PHGDH: variants seen among roughly 807,000 people sequenced by gnomAD.
PHGDH encodes the protein phosphoglycerate dehydrogenase.
PHGDH carries 50 observed loss-of-function variants against 52.6 expected under a neutral mutation model. The observed-to-expected ratio is 0.95, with a 90% CI of 0.76 to 1.20. The LOEUF is 1.20. Ranked by LOEUF, PHGDH falls within the 50% of genes most tolerant of loss-of-function variation. PHGDH has a pLI of 0.00. For synonymous variants in PHGDH, 271 were observed against 280.5 expected (o/e 0.97, Z 0.34); for missense variants, 630 against 684.6 (o/e 0.92, Z 0.89).
chr1:119,741,515 G>A lies in PHGDH; in HGVS notation c.1079-252G>A, dbSNP rs587676898. On this transcript the variant is annotated intron_variant, in intron 9 of 11. Coordinates refer to ENST00000641023, the MANE Select transcript of PHGDH (RefSeq NM_006623.4). Reference sequence around the variant, plus strand: ...GCCAGGTGCAGGGTTGGGGAGCGGAGTGGAGTTGAGCTGAGTTTTGGAGAG... The same window carrying A: ...GCCAGGTGCAGGGTTGGGGAGCGGAATGGAGTTGAGCTGAGTTTTGGAGAG... Among the ~76,000 whole-genome samples, 6 of 152,336 alleles carry A rather than the reference G, an allele frequency of 3.9e-5. No homozygotes were observed. In the South Asian group the frequency reaches 1.2e-3, roughly 32 times the overall value.
chr1:119,724,697 A>G (rs1221074375), intron 3 of PHGDH: 12 of 439,694 alleles, frequency 2.7e-5, no homozygotes, highest in Admixed American at 5.0e-5. Context: ...AAAGATCTCA[A>G]TGTGGCTTTC....
chr1:119,723,305 C>T (rs765424277), intron 2 of PHGDH, 71 bp from the exon 3 acceptor site: 8 of 1,211,042 alleles, frequency 6.6e-6, no homozygotes, highest in African/African-American at 3.0e-5. Flanking sequence ...GCACTCAAGG[C>T]TTTCTCTTGG....
At chr1:119,740,964 G>A (rs1482229874) in intron 9 of PHGDH, among the ~76,000 whole-genome samples, 1 of 152,196 alleles carries the variant, frequency 6.6e-6, no homozygotes, top group Non-Finnish European at 1.5e-5. Flanking sequence ...AGATGAGCCA[G>A]GAGCGGTGAG....
rs1200614666 is a variant in PHGDH, at chr1:119,743,056, C to T, written c.1447+12C>T. On this transcript the variant is annotated intron_variant, in intron 11 of 11. Transcript: ENST00000641023. ...GCCTACCATGATTGGTGAGGAGGGCCCTGTAGGGCTGGCTGGTGTCCTTGA... is the reference window on the plus strand; with the variant it reads ...GCCTACCATGATTGGTGAGGAGGGCTCTGTAGGGCTGGCTGGTGTCCTTGA... 1 of 1,547,830 alleles carries T rather than the reference C, an allele frequency of 6.5e-7. No homozygotes were observed. Among genetic ancestry groups the T allele is most frequent in the Non-Finnish European group, 8.9e-7 (1 of 1,119,386 alleles).
Position 119,735,097 on chromosome 1 carries a change from T to A in PHGDH, c.644-198T>A, listed in dbSNP as rs1039878114. The A allele has an allele frequency of 1.4e-5, 10 of 721,600 alleles. No individual in the cohort carries two copies. The Admixed American group carries it at 2.1e-4, about 15-fold the overall frequency. 44.7% of individuals were successfully genotyped at this position (721,600 alleles called of 1,614,324 possible). On this transcript the variant is annotated intron_variant, in intron 6 of 11. Transcript: ENST00000641023. ...ATTTCTAAGATGTTTCTAAACTGAG[T>A]CTGGCCCAGATCCATAACAGGGACT... is the stretch of plus-strand genomic sequence containing the variant.
rs1412684506 is a variant in PHGDH, at chr1:119,737,012, ACTC to A, written c.793-99_793-97del. ...CAAAATAGAAGTGGAAGGCACCAGA[ACTC>A]CTGACTGCCTTCCCTCCAACTTTCC... is the stretch of plus-strand genomic sequence containing the variant. On this transcript the variant is annotated intron_variant, in intron 7 of 11. Transcript: ENST00000641023. 3 of 1,097,418 alleles carry A rather than the reference ACTC, an allele frequency of 2.7e-6. No homozygotes were observed. The East Asian group carries it at 7.1e-5, about 26-fold the overall frequency. The allele number at this position is 1,097,418 out of a possible 1,614,324, so 68.0% of individuals were successfully genotyped here. A position where few individuals can be genotyped will look rare whatever the true frequency, so the allele number is the denominator to read the frequency against.
intron 3 of PHGDH, among the ~76,000 whole-genome samples, chr1:119,723,652 G>A (rs188199017): frequency 6.6e-6 from 1 of 151,990 alleles, no homozygotes; most frequent in African/African-American, 2.4e-5. Flanking sequence ...GCACAAAGGT[G>A]CACTTCTCTT....
At chr1:119,728,147 A>G (rs1390336313) in intron 5 of PHGDH, among the ~76,000 whole-genome samples, 1 of 152,178 alleles carries the variant, frequency 6.6e-6, no homozygotes, top group Non-Finnish European at 1.5e-5. Flanking sequence ...TCCCTACTGA[A>G]GATAGCTTTG....
chr1:119,741,760 T>C lies in PHGDH; in HGVS notation c.1079-7T>C, dbSNP rs766319430. ...GTGACCTCATGGTAGCTTCTCTCTG[T>C]CCCCAGGAACATCCCTGAAGAATGC... is the stretch of plus-strand genomic sequence containing the variant. On this transcript the variant is annotated splice_polypyrimidine_tract_variant and splice_region_variant and intron_variant, in intron 9 of 11. Transcript: ENST00000641023. The C allele has an allele frequency of 2.5e-6, 4 of 1,613,432 alleles. No individual in the cohort carries two copies. In the Admixed American group the frequency reaches 6.7e-5, roughly 27 times the overall value.
intron 1 of PHGDH, chr1:119,720,884 G>T: frequency 6.9e-6 from 3 of 431,880 alleles, no homozygotes; most frequent in South Asian, 6.2e-5. Flanking sequence ...AGATGAGCCA[G>T]GTGCCCAGAG....
At chr1:119,743,801 G>A in intron 11 of PHGDH, 85 bp from the exon 12 acceptor site, 1 of 1,045,342 alleles carries the variant, frequency 9.6e-7, no homozygotes, top group Non-Finnish European at 1.5e-6. Flanking sequence ...GATCACAAAA[G>A]CTTTGAACTT....
At chr1:119,734,536 G>A in intron 5 of PHGDH, 98 bp from the exon 6 acceptor site, 2 of 1,113,608 alleles carry the variant, frequency 1.8e-6, no homozygotes, top group Non-Finnish European at 2.7e-6. Flanking sequence ...ATGGTAGTTA[G>A]TATATGGTAA....
chr1:119,713,075 G>A (rs999951661), intron 1 of PHGDH: 2 of 152,258 alleles, frequency 1.3e-5, no homozygotes, highest in Non-Finnish European at 2.9e-5. Flanking sequence ...TGGGCCTGGT[G>A]GCCTTGTCCG....
rs587659402 is a variant in PHGDH, at chr1:119,724,365, C to T, written c.356+924C>T. 3.5e-5 allele frequency: 7 copies of T among 200,950 alleles called. No homozygotes were observed. In the South Asian group the frequency reaches 6.5e-4, roughly 19 times the overall value. The allele number at this position is 200,950 out of a possible 1,614,324, so 12.4% of individuals were successfully genotyped here. A position where few individuals can be genotyped will look rare whatever the true frequency, so the allele number is the denominator to read the frequency against. Reference sequence around the variant, plus strand: ...AGAAATTACTTTTCCCATGGCGAGACCTGCTTTCCCTCCTGCTGGAGGAGG... The same window carrying T: ...AGAAATTACTTTTCCCATGGCGAGATCTGCTTTCCCTCCTGCTGGAGGAGG... On this transcript the variant is annotated intron_variant, in intron 3 of 11. Coordinates refer to ENST00000641023, the MANE Select transcript of PHGDH (RefSeq NM_006623.4).
In PHGDH at chr1:119,735,245, G is replaced by T. The variant is rs141254922; in HGVS notation, c.644-50G>T. On this transcript the variant is annotated intron_variant, in intron 6 of 11. Transcript: ENST00000641023. ...AGACCTCTGGAAGCCAGGGATGAGC[G>T]TGGGGATCCTGGTGCTGCCCCAGCA... The T allele has an allele frequency of 1.9e-6, 3 of 1,612,230 alleles. No homozygotes were observed. The African/African-American group carries it at 4.0e-5, about 22-fold the overall frequency.
At chr1:119,742,083 C>T (rs1652235730) in intron 10 of PHGDH, 186 bp downstream of exon 10, 1 of 632,168 alleles carries the variant, frequency 1.6e-6, no homozygotes, top group East Asian at 2.8e-5. Flanking sequence ...CCGAGTGTTG[C>T]TAATGGCACT....
At chr1:119,725,077 C>T (rs958749462) in intron 3 of PHGDH, 2 of 443,806 alleles carry the variant, frequency 4.5e-6, no homozygotes, top group Non-Finnish European at 9.1e-6. Flanking sequence ...TCCTGAGGTG[C>T]AGAAGAACAG....
intron 1 of PHGDH, 46 bp downstream of exon 1, chr1:119,712,206 G>A (rs756860794): frequency 1.3e-6 from 2 of 1,587,914 alleles, no homozygotes; most frequent in South Asian, 1.1e-5. Context: ...CAACCTCCAT[G>A]GAAAAAGGCT....
chr1:119,743,862 A>C (rs1485398104), intron 11 of PHGDH, 24 bp from the exon 12 acceptor site: 57 of 1,604,550 alleles, frequency 3.6e-5, no homozygotes, highest in Non-Finnish European at 4.9e-5. Context: ...CCCTGTGCCA[A>C]CCAGGAGTTT....
Sources: gnomAD v4.1 joint callset for allele counts (sites outside exome capture counted in the v4.1 genomes callset) on GRCh38, gnomAD v4.1.1 for gene constraint, MANE v1.5 for transcripts, NCBI Gene and HGNC (gene_info 2026-07-23, HGNC 2026-07-21) for gene names.